Variants in UPK3A observed in about 807,000 individuals in gnomAD.
The protein encoded by UPK3A is uroplakin 3A, also known as uroplakin-3a.
A neutral mutation model predicts 27.6 loss-of-function variants in UPK3A; 32 were observed. That is an observed-to-expected ratio of 1.16 (90% CI 0.87 to 1.55). The LOEUF (loss-of-function observed/expected upper bound fraction) is 1.55. Ranked by LOEUF, UPK3A falls within the 40% of genes most tolerant of loss-of-function variation. The probability of loss-of-function intolerance (pLI) is 0.00; values close to 1 mark genes in which losing one functional copy is unlikely to be tolerated. For missense variants in UPK3A, 370 were observed against 367.9 expected, an observed-to-expected ratio of 1.01 and a Z score of -0.05; for synonymous variants, 171 against 163.9, an observed-to-expected ratio of 1.04 and a Z score of -0.33.
intron 3 of UPK3A, among the ~76,000 whole-genome samples, 196 bp from the exon 4 acceptor site, chr22:45,288,865 G>T (rs572462443): frequency 6.7e-6 from 1 of 149,976 alleles, no homozygotes; most frequent in Non-Finnish European, 1.5e-5. Context: ...GAGGGGTCCT[G>T]GGGGGGGTCC....
At chr22:45,292,126 C>T (rs747125899) in intron 4 of UPK3A, among the ~76,000 whole-genome samples, 28 of 152,188 alleles carry the variant, frequency 1.8e-4, no homozygotes, top group African/African-American at 2.7e-4. Flanking sequence ...CCCCTCACTG[C>T]GGTGTGAGCC....
intron 4 of UPK3A, among the ~76,000 whole-genome samples, chr22:45,292,618 C>T (rs1048802575): frequency 2.6e-5 from 4 of 152,078 alleles, no homozygotes; most frequent in Admixed American, 6.6e-5. Flanking sequence ...TATGCAAAGC[C>T]GGGGCACTCT....
At chr22:45,292,243 T>A (rs796437480) in intron 4 of UPK3A, among the ~76,000 whole-genome samples, 8 of 152,296 alleles carry the variant, frequency 5.3e-5, no homozygotes, top group African/African-American at 1.9e-4. Flanking sequence ...AAGGCCCAGT[T>A]TTTTTGGGGG....
chr22:45,294,899 TGAGACGGAGTTTTGCTC>T (rs2084185045), intron 5 of UPK3A, among the ~76,000 whole-genome samples: 1 of 150,144 alleles, frequency 6.7e-6, no homozygotes, highest in Admixed American at 6.6e-5. Context: ...TTTTTTTTTT[TGAGACGGAGTTTTGCTC>T]TTGTTGCCCA....
intron 4 of UPK3A, among the ~76,000 whole-genome samples, chr22:45,291,588 G>A (rs563341317): frequency 6.6e-6 from 1 of 150,460 alleles, no homozygotes; most frequent in South Asian, 2.1e-4. Flanking sequence ...GTTTGAGTTG[G>A]TGTGTGGTGT....
At chr22:45,290,674 G>A (rs993903326) in intron 4 of UPK3A, among the ~76,000 whole-genome samples, 4 of 152,074 alleles carry the variant, frequency 2.6e-5, no homozygotes, top group Non-Finnish European at 4.4e-5. Flanking sequence ...CCATGGACCA[G>A]TACCAGTCCA....
Position 45,293,282 on chromosome 22 carries a change from G to A in UPK3A, c.673G>A (p.Gly225Ser). 1 of 1,614,074 alleles carries A rather than the reference G, an allele frequency of 6.2e-7. No individual in the cohort carries two copies. Among genetic ancestry groups the A allele is most frequent in the Non-Finnish European group, 8.5e-7 (1 of 1,180,032 alleles). Residue 225 changes from glycine to serine, a missense_variant, in exon 5 of 6, where the codon GGT becomes AGT. Physicochemically the swap from Gly to Ser is moderately conservative, Grantham distance 56. Transcript: ENST00000216211. The part of the protein sequence containing the change: ...LGSLPFFLLV[G>S]FAGAIALSLV... ...CTCCCTGCCCTTCTTTCTACTTGTG[G>A]GTTTTGCTGGCGCCATTGCCCTCAG...
intron 2 of UPK3A, 150 bp downstream of exon 2, chr22:45,286,246 G>C (rs2084117341): frequency 9.5e-7 from 1 of 1,053,268 alleles, no homozygotes; most frequent in African/African-American, 1.6e-5. Flanking sequence ...TGCCTTGCAG[G>C]GACATCCAGT....
chr22:45,295,540 C>A lies in UPK3A; in HGVS notation c.705-20C>A. 2.5e-6 allele frequency: 4 copies of A among 1,614,062 alleles called. No individual in the cohort carries two copies. Among genetic ancestry groups the A allele is most frequent in the Non-Finnish European group, 3.4e-6 (4 of 1,180,018 alleles). ...TTGCTCTGGTCCCCTAATCCTGGGT[C>A]TTTCCATCCCCTTGGACAGGGACAT... On this transcript the variant is annotated intron_variant, in intron 5 of 5. Transcript: ENST00000216211.
intron 3 of UPK3A, among the ~76,000 whole-genome samples, chr22:45,288,718 G>T (rs1011391981): frequency 1.3e-5 from 2 of 152,252 alleles, no homozygotes; most frequent in African/African-American, 4.8e-5. Flanking sequence ...GAAGACAGAT[G>T]CATTAGTGCT....
At chr22:45,288,490 G>A (rs767540870) in intron 3 of UPK3A, among the ~76,000 whole-genome samples, 4 of 152,092 alleles carry the variant, frequency 2.6e-5, no homozygotes, top group Non-Finnish European at 5.9e-5. Context: ...CAGGCACTGC[G>A]CCCGGCCCAT....
rs576320024 is a variant in UPK3A, at chr22:45,289,800, T to C, written c.571+657T>C. 4.0e-5 allele frequency among the ~76,000 whole-genome samples: 6 copies of C among 151,800 alleles called. No homozygotes were observed. The South Asian group carries it at 8.3e-4, about 21-fold the overall frequency. ...AACCTGGAACTTCCTCCTTCCTCCT[T>C]TCCATCCTTGAGGGCCAGGTGTGGG... On this transcript the variant is annotated intron_variant, in intron 4 of 5. Transcript: ENST00000216211.
chr22:45,290,407 C>T (rs116648442), intron 4 of UPK3A, among the ~76,000 whole-genome samples: 78 of 152,244 alleles, frequency 5.1e-4, no homozygotes, highest in African/African-American at 1.9e-3. Context: ...TGAAGTCACA[C>T]GCGAGTGGGT....
rs2084189041 is a variant in UPK3A, at chr22:45,295,561, G to A, written c.706G>A (p.Asp236Asn). 2 of 1,613,984 alleles carry A rather than the reference G, an allele frequency of 1.2e-6. No individual in the cohort carries two copies. Among genetic ancestry groups the A allele is most frequent in the African/African-American group, 2.7e-5 (2 of 74,902 alleles). The change falls in exon 6 of 6, where the codon GAC becomes AAC. Residue 236 changes from aspartate to asparagine, a missense_variant and splice_region_variant. Transcript: ENST00000216211. Reference sequence around the variant, plus strand: ...GGGTCTTTCCATCCCCTTGGACAGGGACATGGGGAGTTCTGATGGGGAAAC... The same window carrying A: ...GGGTCTTTCCATCCCCTTGGACAGGAACATGGGGAGTTCTGATGGGGAAAC... ...FAGAIALSLV[D>N]MGSSDGETTH...
chr22:45,293,834 A>T (rs552131249), intron 5 of UPK3A, among the ~76,000 whole-genome samples: 11 of 152,262 alleles, frequency 7.2e-5, no homozygotes, highest in African/African-American at 2.6e-4. Flanking sequence ...AGAGTGGCCC[A>T]AGGCGACACA....
At chr22:45,293,767 T>C (rs888602352) in intron 5 of UPK3A, among the ~76,000 whole-genome samples, 2 of 152,168 alleles carry the variant, frequency 1.3e-5, no homozygotes, top group Non-Finnish European at 2.9e-5. Context: ...GCTTTCGTTG[T>C]CATTATAATA....
intron 4 of UPK3A, among the ~76,000 whole-genome samples, chr22:45,292,255 G>C (rs570097481): frequency 3.3e-5 from 5 of 152,186 alleles, no homozygotes; most frequent in Non-Finnish European, 7.3e-5. Flanking sequence ...TTTTGGGGGA[G>C]GACCGTGGGG....
chr22:45,285,759 G>T (rs771822443), intron 1 of UPK3A, among the ~76,000 whole-genome samples, 182 bp from the exon 2 acceptor site: 1 of 152,144 alleles, frequency 6.6e-6, no homozygotes, highest in Non-Finnish European at 1.5e-5. Context: ...AGTTTGGCCC[G>T]ACCGCTCCAT....
chr22:45,287,550 C>T (rs1204374927), intron 3 of UPK3A, 99 bp downstream of exon 3: 3 of 1,456,868 alleles, frequency 2.1e-6, no homozygotes, highest in African/African-American at 1.4e-5. Context: ...TTCTTGAGAA[C>T]TTATATGCTG....
Sources: allele counts gnomAD v4.1 joint callset (sites outside exome capture counted in the v4.1 genomes callset), GRCh38; gene constraint gnomAD v4.1.1; transcripts MANE v1.5; gene names NCBI Gene and HGNC (gene_info 2026-07-23, HGNC 2026-07-21).